CACNA2D3: variants seen among roughly 807,000 people sequenced by gnomAD.
CACNA2D3 encodes calcium voltage-gated channel auxiliary subunit alpha2delta 3.
In CACNA2D3, 60 loss-of-function variants were observed where a neutral mutation model predicts 160.6. The ratio of observed to expected loss-of-function variants is 0.37; its 90% CI spans 0.30 to 0.46. The LOEUF (loss-of-function observed/expected upper bound fraction) is 0.46, where lower values mean the gene tolerates loss of function less well. CACNA2D3 is among the 20% of genes least tolerant of loss of function. The probability of loss-of-function intolerance (pLI) is 1.00; values close to 1 mark genes in which losing one functional copy is unlikely to be tolerated. For synonymous variants in CACNA2D3, 558 were observed against 492.9 expected, an observed-to-expected ratio of 1.13 and a Z score of -1.75; for missense variants, 1,205 against 1,365.0, an observed-to-expected ratio of 0.88 and a Z score of 1.85.
chr3:54,451,008 A>G (rs753301149), intron 4 of CACNA2D3, among the ~76,000 whole-genome samples: 2 of 152,088 alleles, frequency 1.3e-5, no homozygotes, highest in Non-Finnish European at 2.9e-5. Context: ...TAAAAGAGTC[A>G]TGGATACCAA....
intron 5 of CACNA2D3, among the ~76,000 whole-genome samples, chr3:54,531,097 T>A (rs1483783477): frequency 3.3e-5 from 5 of 152,250 alleles, no homozygotes; most frequent in Non-Finnish European, 1.5e-5. Context: ...GCTTTTAAGA[T>A]GTGATGGTTT....
chr3:54,448,752 A>G (rs1465861643), intron 4 of CACNA2D3, among the ~76,000 whole-genome samples: 2 of 152,208 alleles, frequency 1.3e-5, no homozygotes, highest in African/African-American at 2.4e-5. Context: ...AGCTGTCTCT[A>G]TTGTCCAGAA....
intron 34 of CACNA2D3, among the ~76,000 whole-genome samples, chr3:55,010,152 T>A (rs1703178304): frequency 6.6e-6 from 1 of 152,162 alleles, no homozygotes; most frequent in South Asian, 2.1e-4. Context: ...GTAGCAATAC[T>A]GCATGTTCTC....
chr3:54,872,037 C>T (rs1699547247), intron 18 of CACNA2D3, among the ~76,000 whole-genome samples: 1 of 152,212 alleles, frequency 6.6e-6, no homozygotes, highest in Admixed American at 6.5e-5. Flanking sequence ...CAAGAATTCA[C>T]CTGTCAGGAC....
At chr3:54,146,079 A>G (rs1312705552) in intron 2 of CACNA2D3, among the ~76,000 whole-genome samples, 1 of 151,986 alleles carries the variant, frequency 6.6e-6, no homozygotes, top group Non-Finnish European at 1.5e-5. Context: ...TGTTATTTAA[A>G]TAGGTCTTTT....
At chr3:54,602,234 A>C (rs748653800) in intron 9 of CACNA2D3, among the ~76,000 whole-genome samples, 18 of 152,210 alleles carry the variant, frequency 1.2e-4, no homozygotes, top group Non-Finnish European at 2.4e-4. Flanking sequence ...GTGGTGGCTC[A>C]TGCCTGTAAT....
At chr3:54,873,614 C>T (rs1336877040) in intron 18 of CACNA2D3, among the ~76,000 whole-genome samples, 1 of 152,114 alleles carries the variant, frequency 6.6e-6, no homozygotes, top group Non-Finnish European at 1.5e-5. Flanking sequence ...CGCAGCCTCA[C>T]GTGTGTGTTC....
intron 11 of CACNA2D3, among the ~76,000 whole-genome samples, chr3:54,650,565 A>G (rs998735412): frequency 6.6e-6 from 1 of 152,194 alleles, no homozygotes; most frequent in Non-Finnish European, 1.5e-5. Context: ...AGGTTTCACC[A>G]TATTAGCCAG....
intron 35 of CACNA2D3, among the ~76,000 whole-genome samples, chr3:55,022,086 A>G (rs1394980485): frequency 6.6e-6 from 1 of 152,062 alleles, no homozygotes; most frequent in Non-Finnish European, 1.5e-5. Flanking sequence ...CACCAGGCTT[A>G]TGGACGTTTT....
At chr3:54,141,352 C>T (rs755415233) in intron 2 of CACNA2D3, among the ~76,000 whole-genome samples, 2 of 152,048 alleles carry the variant, frequency 1.3e-5, no homozygotes, top group Admixed American at 6.5e-5. Flanking sequence ...CATTGAGCTC[C>T]CTGTGTATGT....
At chr3:54,598,298 T>C (rs1159096286) in intron 9 of CACNA2D3, among the ~76,000 whole-genome samples, 38 of 77,632 alleles carry the variant, frequency 4.9e-4, no homozygotes, top group Non-Finnish European at 7.7e-4. Flanking sequence ...ACAGCGAGAC[T>C]CCGTCTCACA....
intron 32 of CACNA2D3, among the ~76,000 whole-genome samples, chr3:55,007,254 AT>A (rs1703118205): frequency 1.3e-5 from 2 of 152,328 alleles, no homozygotes; most frequent in South Asian, 4.1e-4. Context: ...TATGGTTATC[AT>A]TTTCTTCAAG....
intron 2 of CACNA2D3, among the ~76,000 whole-genome samples, chr3:54,198,050 A>G (rs1701112478): frequency 6.6e-6 from 1 of 152,238 alleles, no homozygotes; most frequent in East Asian, 1.9e-4. Flanking sequence ...AAGGAAAGTG[A>G]GAGTCAGAGG....
Position 55,020,575 on chromosome 3 carries a change from C to T in CACNA2D3, c.2987+2258C>T, listed in dbSNP as rs537630071. 6.6e-5 allele frequency among the ~76,000 whole-genome samples: 10 copies of T among 151,726 alleles called. No individual in the cohort carries two copies. The East Asian group carries it at 1.4e-3, about 21-fold the overall frequency. ...CCTTCATTGTCATAAACAGGCCAGG[C>T]GCGGTGGCTCACGCCTGTAATCTCA... On this transcript the variant is annotated intron_variant, in intron 35 of 37. Transcript: ENST00000474759.
intron 2 of CACNA2D3, among the ~76,000 whole-genome samples, chr3:54,292,313 A>G (rs753592190): frequency 7.2e-5 from 11 of 152,332 alleles, no homozygotes; most frequent in Middle Eastern, 3.4e-3. Context: ...GAGGAATGAA[A>G]TAAAAAATAA....
chr3:54,692,000 A>G (rs574809424), intron 11 of CACNA2D3, among the ~76,000 whole-genome samples: 2 of 150,918 alleles, frequency 1.3e-5, no homozygotes, highest in Admixed American at 6.6e-5. Context: ...TTTTTTTGAG[A>G]CAGAGTCTCA....
chr3:54,912,544 A>G (rs979466731), intron 27 of CACNA2D3, among the ~76,000 whole-genome samples: 11 of 152,050 alleles, frequency 7.2e-5, no homozygotes, highest in Admixed American at 2.0e-4. Flanking sequence ...TGCCTTTTCC[A>G]TGGGACATTT....
At chr3:54,386,278 TTAAAA>T in intron 3 of CACNA2D3, among the ~76,000 whole-genome samples, 1 of 152,266 alleles carries the variant, frequency 6.6e-6, no homozygotes. Flanking sequence ...ATTGAGGGAA[TTAAAA>T]TAAGTACTCT....
At chr3:54,374,220 G>A (rs545337400) in intron 3 of CACNA2D3, among the ~76,000 whole-genome samples, 7 of 152,326 alleles carry the variant, frequency 4.6e-5, no homozygotes, top group Non-Finnish European at 8.8e-5. Flanking sequence ...CACCACCAAC[G>A]ATCTCCGGTG....
Sources: gnomAD v4.1 joint callset for allele counts (sites outside exome capture counted in the v4.1 genomes callset) on GRCh38, gnomAD v4.1.1 for gene constraint, MANE v1.5 for transcripts, NCBI Gene and HGNC (gene_info 2026-07-23, HGNC 2026-07-21) for gene names.